The following MCU variants were observed in gnomAD, a reference collection of about 807,000 sequenced individuals.
MCU encodes the protein mitochondrial calcium uniporter, also known as calcium uniporter protein, mitochondrial.
In MCU, 12 loss-of-function variants were observed where a neutral mutation model predicts 45.2. That is an observed-to-expected ratio of 0.27 (90% CI 0.17 to 0.43). The LOEUF is 0.43. MCU is among the 20% of genes least tolerant of loss of function. MCU has a pLI of 1.00. For missense variants in MCU, 324 were observed against 436.7 expected, an observed-to-expected ratio of 0.74 and a Z score of 2.30; for synonymous variants, 160 against 165.1, an observed-to-expected ratio of 0.97 and a Z score of 0.24.
At chr10:72,692,664 G>A (rs942068935) in intron 1 of MCU, 1 of 1,195,530 alleles carries the variant, frequency 8.4e-7, no homozygotes, top group African/African-American at 1.5e-5. Flanking sequence ...AACGGAGCCA[G>A]ATGGAAGTTG....
At chr10:72,798,477 A>G (rs570524110) in intron 1 of MCU, among the ~76,000 whole-genome samples, 62 of 152,236 alleles carry the variant, frequency 4.1e-4, no homozygotes, top group Admixed American at 1.2e-3. Flanking sequence ...TTTTTAGTAG[A>G]GGCAGGGTTT....
At chr10:72,775,489 GACCAA>G (rs1373548212) in intron 1 of MCU, among the ~76,000 whole-genome samples, 3 of 151,856 alleles carry the variant, frequency 2.0e-5, no homozygotes, top group Non-Finnish European at 2.9e-5. Context: ...AGAAATGGAA[GACCAA>G]ACCAAACCCA....
chr10:72,693,072 T>C (rs1465594453), intron 1 of MCU: 2 of 1,535,942 alleles, frequency 1.3e-6, no homozygotes, highest in Admixed American at 2.0e-5. Context: ...ATATGGTAAG[T>C]TGTTGACAGA....
intron 1 of MCU, among the ~76,000 whole-genome samples, chr10:72,743,895 A>AGGAG (rs1843371991): frequency 6.6e-6 from 1 of 152,158 alleles, no homozygotes; most frequent in Admixed American, 6.5e-5. Flanking sequence ...TAAGAAGCTG[A>AGGAG]GGAGGATACT....
chr10:72,748,164 C>T (rs1843441649), intron 1 of MCU, among the ~76,000 whole-genome samples: 1 of 151,978 alleles, frequency 6.6e-6, no homozygotes, highest in African/African-American at 2.4e-5. Flanking sequence ...TCTCCTGCCT[C>T]AGCCACCTGA....
chr10:72,812,339 T>C (rs1040706097), intron 1 of MCU, among the ~76,000 whole-genome samples: 1 of 151,260 alleles, frequency 6.6e-6, no homozygotes, highest in Non-Finnish European at 1.5e-5. Flanking sequence ...AGAGGCGGGG[T>C]TTCACCATGT....
chr10:72,699,100 G>A (rs74480846), intron 1 of MCU, among the ~76,000 whole-genome samples: 5,863 of 152,258 alleles, frequency 0.039, 385 homozygotes, highest in African/African-American at 0.13. Context: ...ACCGTGCCCG[G>A]ACTCTTTATT....
At chr10:72,843,007 T>G (rs1389691153) in intron 2 of MCU, among the ~76,000 whole-genome samples, 1 of 152,126 alleles carries the variant, frequency 6.6e-6, no homozygotes, top group Non-Finnish European at 1.5e-5. Context: ...AAAGCAGACT[T>G]TTTTAAGAGC....
intron 4 of MCU, among the ~76,000 whole-genome samples, chr10:72,866,599 G>A (rs929233563): frequency 1.3e-5 from 2 of 152,074 alleles, no homozygotes; most frequent in Non-Finnish European, 2.9e-5. Flanking sequence ...GTTTCATCAT[G>A]TTGGCCGAGC....
intron 1 of MCU, among the ~76,000 whole-genome samples, chr10:72,808,199 C>T (rs773510173): frequency 9.9e-5 from 15 of 152,166 alleles, no homozygotes; most frequent in Non-Finnish European, 2.1e-4. Flanking sequence ...ATCTTTGAAA[C>T]TCAGCCAGTT....
At chr10:72,786,574 C>T (rs962850990) in intron 1 of MCU, among the ~76,000 whole-genome samples, 3 of 151,950 alleles carry the variant, frequency 2.0e-5, no homozygotes, top group South Asian at 2.1e-4. Context: ...GGCGAAACCC[C>T]GTCTCTACCA....
chr10:72,692,571 G>T, intron 1 of MCU: 1 of 1,094,476 alleles, frequency 9.1e-7, no homozygotes, highest in South Asian at 4.4e-5. Flanking sequence ...GGGAAGGCAC[G>T]GGACTTGAAC....
At chr10:72,776,150 A>G (rs896286634) in intron 1 of MCU, among the ~76,000 whole-genome samples, 3 of 152,018 alleles carry the variant, frequency 2.0e-5, no homozygotes, top group Non-Finnish European at 1.5e-5. Context: ...CCTGGGCAAC[A>G]TGAGTGAGAC....
intron 6 of MCU, among the ~76,000 whole-genome samples, chr10:72,876,700 CTG>C (rs1452345184): frequency 6.6e-6 from 1 of 152,172 alleles, no homozygotes; most frequent in Non-Finnish European, 1.5e-5. Context: ...GCAACTGTAT[CTG>C]TACTGAATTT....
intron 1 of MCU, chr10:72,766,976 G>A (rs1843736689): frequency 1.3e-5 from 2 of 152,072 alleles, no homozygotes; most frequent in Non-Finnish European, 2.9e-5. Context: ...CCTATTTTAA[G>A]TGTACAAGTA....
chr10:72,794,588 T>G (rs372566961), intron 1 of MCU, among the ~76,000 whole-genome samples: 2 of 152,236 alleles, frequency 1.3e-5, no homozygotes, highest in South Asian at 4.1e-4. Flanking sequence ...TTGTTCTGTT[T>G]CTGTCCCTTT....
intron 1 of MCU, among the ~76,000 whole-genome samples, chr10:72,703,421 A>G (rs1449279776): frequency 9.9e-5 from 15 of 152,206 alleles, no homozygotes; most frequent in Admixed American, 9.8e-4. Context: ...ACCCCCAAAC[A>G]GTGGCTTCAG....
chr10:72,699,127 A>AC (rs1168963001), intron 1 of MCU, among the ~76,000 whole-genome samples: 1 of 152,124 alleles, frequency 6.6e-6, no homozygotes, highest in East Asian at 1.9e-4. Flanking sequence ...TTAATGCCAT[A>AC]CCATGGCTCA....
intron 2 of MCU, among the ~76,000 whole-genome samples, chr10:72,839,221 C>G (rs1309806792): frequency 6.6e-6 from 1 of 152,114 alleles, no homozygotes; most frequent in African/African-American, 2.4e-5. Context: ...AACTCCTGAC[C>G]TCAGGTGATC....
Sources: gnomAD v4.1 joint callset for allele counts (sites outside exome capture counted in the v4.1 genomes callset) on GRCh38, gnomAD v4.1.1 for gene constraint, MANE v1.5 for transcripts, NCBI Gene and HGNC (gene_info 2026-07-23, HGNC 2026-07-21) for gene names.